Variants in FOXP1 observed in about 807,000 individuals in gnomAD.
FOXP1 encodes forkhead box protein P1.
In FOXP1, 15 loss-of-function variants were observed where a neutral mutation model predicts 98.2. The observed-to-expected ratio is 0.15, with a 90% confidence interval of 0.10 to 0.24. The LOEUF (loss-of-function observed/expected upper bound fraction) is 0.24. FOXP1 is among the 10% of genes least tolerant of loss of function. FOXP1 has a pLI of 1.00. For missense variants in FOXP1, 633 were observed against 848.5 expected (o/e 0.75, Z 3.15); for synonymous variants, 371 against 314.5 (o/e 1.18, Z -1.90).
At chr3:71,034,499 C>T (rs2047321251) in intron 11 of FOXP1, among the ~76,000 whole-genome samples, 1 of 151,468 alleles carries the variant, frequency 6.6e-6, no homozygotes, top group South Asian at 2.1e-4. Flanking sequence ...GGGAGAATAC[C>T]CCATAAGGTT....
intron 5 of FOXP1, among the ~76,000 whole-genome samples, chr3:71,291,028 C>A (rs1282284955): frequency 6.6e-6 from 1 of 152,202 alleles, no homozygotes; most frequent in African/African-American, 2.4e-5. Flanking sequence ...TGACCACCCA[C>A]CACCCTATTT....
chr3:70,987,953 T>C (rs536331152), intron 14 of FOXP1, 41 bp downstream of exon 14: 7 of 1,577,010 alleles, frequency 4.4e-6, no homozygotes, highest in Middle Eastern at 1.7e-4. Flanking sequence ...AGGAATACTG[T>C]GAGTTTTGTT....
chr3:71,443,146 G>A (rs530803044), intron 3 of FOXP1, among the ~76,000 whole-genome samples: 5 of 152,216 alleles, frequency 3.3e-5, no homozygotes, highest in African/African-American at 9.6e-5. Flanking sequence ...CACCCGCCTC[G>A]GCCTCCCAAA....
intron 2 of FOXP1, among the ~76,000 whole-genome samples, chr3:71,566,174 G>A (rs1016598062): frequency 6.6e-6 from 1 of 152,198 alleles, no homozygotes; most frequent in Non-Finnish European, 1.5e-5. Flanking sequence ...TGCGTCTCAC[G>A]GGGGTTATGA....
At chr3:71,202,495 C>T (rs2063739180) in intron 5 of FOXP1, among the ~76,000 whole-genome samples, 1 of 152,160 alleles carries the variant, frequency 6.6e-6, no homozygotes, top group Non-Finnish European at 1.5e-5. Flanking sequence ...TCACACTTCA[C>T]AAATTGCAAA....
chr3:70,956,500 A>T lies in FOXP1; in HGVS notation c.*2747T>A, dbSNP rs927590764. 61 of 216,946 alleles carry T rather than the reference A, an allele frequency of 2.8e-4. No individual in the cohort carries two copies. Among genetic ancestry groups the T allele is most frequent in the South Asian group, 5.8e-4 (3 of 5,194 alleles). 13.4% of individuals were successfully genotyped at this position (216,946 alleles called of 1,614,324 possible). A position where few individuals can be genotyped will look rare whatever the true frequency, so the allele number is the denominator to read the frequency against. On this transcript the variant is annotated 3_prime_UTR_variant, in exon 21 of 21. Coordinates refer to ENST00000649528, the MANE Select transcript of FOXP1 (RefSeq NM_001349338.3). ...CAACTGAGTGAAATGTTTTTTTTTTAAATTTTAATCATTCCCTAAAGGTTT... is the reference window on the plus strand; with the variant it reads ...CAACTGAGTGAAATGTTTTTTTTTTTAATTTTAATCATTCCCTAAAGGTTT...
chr3:71,210,926 A>G (rs772379646), intron 5 of FOXP1: 4 of 152,142 alleles, frequency 2.6e-5, no homozygotes, highest in Non-Finnish European at 5.9e-5. Context: ...CCCTGGATGA[A>G]CCAGAATATT....
At chr3:71,008,407 G>A (rs1047210237) in intron 12 of FOXP1, among the ~76,000 whole-genome samples, 1 of 152,118 alleles carries the variant, frequency 6.6e-6, no homozygotes, top group Non-Finnish European at 1.5e-5. Flanking sequence ...ATGGAAGAAC[G>A]CCGATGAGCT....
chr3:71,062,318 G>A (rs1438501657), intron 7 of FOXP1, among the ~76,000 whole-genome samples: 1 of 152,182 alleles, frequency 6.6e-6, no homozygotes, highest in Non-Finnish European at 1.5e-5. Context: ...ATTCAGAGAA[G>A]ACAATACACT....
At chr3:71,009,875 A>G (rs2107686206) in intron 12 of FOXP1, among the ~76,000 whole-genome samples, 1 of 150,910 alleles carries the variant, frequency 6.6e-6, no homozygotes, top group South Asian at 2.1e-4. Context: ...TAGCTTCCCA[A>G]TTAACTAAGA....
chr3:71,150,259 A>T (rs1425945539), intron 6 of FOXP1, among the ~76,000 whole-genome samples: 1 of 152,246 alleles, frequency 6.6e-6, no homozygotes, highest in Non-Finnish European at 1.5e-5. Context: ...TGGCAGTGGC[A>T]ATGCATGCAT....
intron 3 of FOXP1, among the ~76,000 whole-genome samples, chr3:71,393,507 C>T (rs988684844): frequency 1.6e-4 from 24 of 152,054 alleles, no homozygotes; most frequent in Admixed American, 6.5e-4. Context: ...TAGATAACAA[C>T]GGTATTACTA....
At chr3:71,132,046 T>C (rs2059600548) in intron 6 of FOXP1, among the ~76,000 whole-genome samples, 1 of 152,120 alleles carries the variant, frequency 6.6e-6, no homozygotes, top group African/African-American at 2.4e-5. Flanking sequence ...AATGATTTCC[T>C]AGCAATCCCT....
chr3:71,501,747 G>A (rs1488183900), intron 2 of FOXP1, among the ~76,000 whole-genome samples: 2 of 152,150 alleles, frequency 1.3e-5, no homozygotes, highest in Admixed American at 6.5e-5. Context: ...TAACCACCTT[G>A]AATCCATTGC....
intron 4 of FOXP1, among the ~76,000 whole-genome samples, chr3:71,301,071 G>A (rs1483721612): frequency 5.3e-5 from 8 of 152,160 alleles, no homozygotes; most frequent in African/African-American, 1.4e-4. Context: ...GGAAAAAGAC[G>A]CAGGCTCTGA....
chr3:71,275,502 C>T (rs1288695), intron 5 of FOXP1, among the ~76,000 whole-genome samples: 43,430 of 152,060 alleles, frequency 0.29, 6,399 homozygotes, highest in East Asian at 0.33. Flanking sequence ...CCACCTCATG[C>T]ACCCTACACC....
At chr3:71,498,504 T>G (rs897741710) in intron 2 of FOXP1, among the ~76,000 whole-genome samples, 1 of 152,244 alleles carries the variant, frequency 6.6e-6, no homozygotes, top group East Asian at 1.9e-4. Context: ...GCTTAAAAAT[T>G]AAAGGAATGA....
intron 20 of FOXP1, among the ~76,000 whole-genome samples, chr3:70,964,514 T>C (rs1417146845): frequency 6.6e-6 from 1 of 152,242 alleles, no homozygotes; most frequent in Non-Finnish European, 1.5e-5. Flanking sequence ...TCTGAGTATT[T>C]CTTGCAGTAG....
In FOXP1 at chr3:71,503,693, G is replaced by C. The variant is rs565475642; in HGVS notation, c.-297-10138C>G. On this transcript the variant is annotated intron_variant, in intron 2 of 20. Coordinates refer to ENST00000649528, the MANE Select transcript of FOXP1 (RefSeq NM_001349338.3). ...GTGACTCGATGTTATTATTTCGTCA[G>C]GTATGGTACTGTAGGGAGGGGAGAA... Among the ~76,000 whole-genome samples, 17 of 151,968 alleles carry C rather than the reference G, an allele frequency of 1.1e-4. 1 individual carries two copies. In the South Asian group the frequency reaches 3.3e-3, roughly 30 times the overall value.
Sources: allele counts gnomAD v4.1 joint callset (sites outside exome capture counted in the v4.1 genomes callset), GRCh38; gene constraint gnomAD v4.1.1; transcripts MANE v1.5; gene names NCBI Gene and HGNC (gene_info 2026-07-23, HGNC 2026-07-21).